RANGAP1: variants seen among roughly 807,000 people sequenced by gnomAD.
The protein encoded by RANGAP1 is ran GTPase-activating protein 1.
Under a neutral mutation model 63.5 loss-of-function variants are expected in RANGAP1, and 38 were observed. The observed-to-expected ratio is 0.60, with a 90% CI of 0.46 to 0.78. RANGAP1 has a LOEUF of 0.78. Ranked by LOEUF, RANGAP1 falls within the 30% of genes least tolerant of loss-of-function variation. The pLI is 0.00. For missense variants in RANGAP1, 630 were observed against 740.3 expected, an observed-to-expected ratio of 0.85 and a Z score of 1.73; for synonymous variants, 329 against 310.5, an observed-to-expected ratio of 1.06 and a Z score of -0.63.
Position 41,252,974 on chromosome 22 carries a change from C to T in RANGAP1, c.1278G>A (p.Leu426=). The stretch of plus-strand genomic sequence containing the variant: ...AGACGTCTGCAGGAGGTGGGGAGGA[C>T]AGCACGGGAGCTGGCTCCTGGGAAG... ...DPNTGEPAPV[L]SSPPPADVST... The change falls in exon 12 of 16, where the codon CTG becomes CTA. Residue 426 remains leucine, a synonymous_variant. Coordinates refer to ENST00000356244, the MANE Select transcript of RANGAP1 (RefSeq NM_002883.4). The T allele has an allele frequency of 6.6e-7, 1 of 1,523,082 alleles. No homozygotes were observed. Among genetic ancestry groups the T allele is most frequent in the Non-Finnish European group, 8.8e-7 (1 of 1,138,496 alleles). The allele number at this position is 1,523,082 out of a possible 1,614,324, so 94.3% of individuals were successfully genotyped here.
chr22:41,278,038 GT>G (rs376152766), intron 2 of RANGAP1, among the ~76,000 whole-genome samples: 119 of 132,168 alleles, frequency 9.0e-4, no homozygotes, highest in African/African-American at 1.1e-3. Context: ...CCAAACTTGA[GT>G]TTTTTTTTTT....
At chr22:41,268,593 A>G (rs1175403431) in intron 3 of RANGAP1, among the ~76,000 whole-genome samples, 1 of 152,092 alleles carries the variant, frequency 6.6e-6, no homozygotes, top group South Asian at 2.1e-4. Context: ...AAAAAGCTGG[A>G]CCCATTCTGG....
the RANGAP1 span, among the ~76,000 whole-genome samples, chr22:41,293,503 G>C: frequency 6.6e-6 from 1 of 151,794 alleles, no homozygotes. Flanking sequence ...TTTTAGGCTG[G>C]GTGCAGTGCC....
At position 41,274,671 on chromosome 22, in the gene RANGAP1, C is replaced by A. The variant is rs989664323; in HGVS notation, c.169G>T (p.Glu57Ter). 1 of 1,614,204 alleles carries A rather than the reference C, an allele frequency of 6.2e-7. No homozygotes were observed. Among genetic ancestry groups the A allele is most frequent in the Non-Finnish European group, 8.5e-7 (1 of 1,180,026 alleles). Reference sequence around the variant, plus strand: ...GCTTCCACGCCCACTGTGTTGCCTTCCAGACGCAGAGCCTCCAAGCTGTCA... The same window carrying A: ...GCTTCCACGCCCACTGTGTTGCCTTACAGACGCAGAGCCTCCAAGCTGTCA... ...DFDSLEALRL[E>*]GNTVGVEAAR... Residue 57 changes from glutamate to a stop codon, truncating the protein, a stop_gained, in exon 3 of 16, where the codon GAA becomes TAA. Transcript: ENST00000356244. LOFTEE classifies it high-confidence loss of function.
At chr22:41,280,769 T>C (rs1184597080) in intron 2 of RANGAP1, 164 bp downstream of exon 2, 8 of 1,527,650 alleles carry the variant, frequency 5.2e-6, no homozygotes, top group Non-Finnish European at 7.0e-6. Flanking sequence ...CCTGGGCAAA[T>C]GATCTCTGAG....
intron 12 of RANGAP1, among the ~76,000 whole-genome samples, chr22:41,251,367 T>C (rs979151790): frequency 7.9e-5 from 12 of 152,178 alleles, no homozygotes; most frequent in East Asian, 7.7e-4. Context: ...GGCTCATGCC[T>C]GTAACCCCAG....
chr22:41,259,466 A>C (rs1029067162), intron 6 of RANGAP1, among the ~76,000 whole-genome samples: 1 of 152,186 alleles, frequency 6.6e-6, no homozygotes, highest in African/African-American at 2.4e-5. Context: ...CAGAATTACA[A>C]AGGAAATCAA....
At chr22:41,298,292 C>T in the RANGAP1 span, among the ~76,000 whole-genome samples, 1 of 151,802 alleles carries the variant, frequency 6.6e-6, no homozygotes, top group Non-Finnish European at 1.5e-5. Context: ...TGAGCCACAG[C>T]GCCTGGCCAC....
chr22:41,294,109 C>G, the RANGAP1 span, among the ~76,000 whole-genome samples: 1 of 152,214 alleles, frequency 6.6e-6, no homozygotes, highest in Non-Finnish European at 1.5e-5. Flanking sequence ...CGAGCCGAAG[C>G]TGGACGGTAC....
chr22:41,281,235 C>A (rs2035475168), intron 1 of RANGAP1, 153 bp from the exon 2 acceptor site: 1 of 977,144 alleles, frequency 1.0e-6, no homozygotes, highest in Non-Finnish European at 1.4e-6. Flanking sequence ...AAAACAGCAT[C>A]AGAGAAGGAA....
intron 1 of RANGAP1, among the ~76,000 whole-genome samples, chr22:41,283,612 C>T (rs2035610117): frequency 1.3e-5 from 2 of 152,122 alleles, no homozygotes; most frequent in African/African-American, 4.8e-5. Flanking sequence ...TTGGGCCATG[C>T]ACACATCTGG....
chr22:41,289,851 CAT>C (rs1170920433), upstream of RANGAP1, among the ~76,000 whole-genome samples: 2 of 152,094 alleles, frequency 1.3e-5, no homozygotes, highest in East Asian at 1.9e-4. Flanking sequence ...GTGACTTACA[CAT>C]GAGACAAGGC....
At position 41,276,639 on chromosome 22, in the gene RANGAP1, C is replaced by G. The variant is rs1305666234; in HGVS notation, c.113-1912G>C. 2.7e-5 allele frequency among the ~76,000 whole-genome samples: 4 copies of G among 148,176 alleles called. No individual in the cohort carries two copies. In the Admixed American group the frequency reaches 2.7e-4, roughly 10 times the overall value. On this transcript the variant is annotated intron_variant, in intron 2 of 15. Coordinates refer to ENST00000356244, the MANE Select transcript of RANGAP1 (RefSeq NM_002883.4). ...GGGCAACAAGAGCGAAACTCCGTTT[C>G]AAAAAACAAACAAAACAAAATGAAC...
the RANGAP1 span, among the ~76,000 whole-genome samples, chr22:41,292,292 C>T: frequency 7.2e-5 from 11 of 151,952 alleles, no homozygotes; most frequent in Admixed American, 5.9e-4. Context: ...GGATTACAGG[C>T]GCCCAACACC....
At chr22:41,270,661 C>T (rs953472106) in intron 3 of RANGAP1, among the ~76,000 whole-genome samples, 9 of 152,172 alleles carry the variant, frequency 5.9e-5, no homozygotes, top group African/African-American at 2.2e-4. Context: ...GTTGTCCAGG[C>T]TTGTCTCAAA....
the RANGAP1 span, among the ~76,000 whole-genome samples, chr22:41,302,007 G>A: frequency 6.6e-6 from 1 of 152,152 alleles, no homozygotes; most frequent in Non-Finnish European, 1.5e-5. The surrounding 1 kb of genome is among the most constrained non-coding windows in gnomAD (Gnocchi z 5.7). Flanking sequence ...CGGTCCCCGT[G>A]CCCTGCCCCA....
intron 3 of RANGAP1, 47 bp from the exon 4 acceptor site, chr22:41,268,203 G>A (rs771401457): frequency 1.7e-5 from 24 of 1,434,154 alleles, no homozygotes; most frequent in Admixed American, 2.0e-5. Context: ...GACCCCTGGA[G>A]GCCCATAGTG....
chr22:41,281,733 C>T (rs2035501878), intron 1 of RANGAP1: 5 of 684,296 alleles, frequency 7.3e-6, no homozygotes, highest in Non-Finnish European at 9.0e-6. Context: ...AGGGCTGCTA[C>T]CTATGAAGCC....
At chr22:41,248,119 G>A (rs2033175334) in intron 15 of RANGAP1, among the ~76,000 whole-genome samples, 1 of 135,998 alleles carries the variant, frequency 7.4e-6, no homozygotes, top group Non-Finnish European at 1.5e-5. Context: ...GACAGCATGG[G>A]CAAAGCTCGG....
Sources: allele counts gnomAD v4.1 joint callset (sites outside exome capture counted in the v4.1 genomes callset), GRCh38; gene constraint gnomAD v4.1.1; non-coding constraint Gnocchi (gnomAD v3.1); transcripts MANE v1.5; gene names NCBI Gene and HGNC (gene_info 2026-07-23, HGNC 2026-07-21).